Variants in KLHL12 observed in about 807,000 individuals in gnomAD.
KLHL12 encodes kelch like family member 12, also known as kelch-like protein 12.
KLHL12 carries 17 observed loss-of-function variants against 60.8 expected under a neutral mutation model. The ratio of observed to expected loss-of-function variants is 0.28; its 90% confidence interval spans 0.19 to 0.42. KLHL12 has a LOEUF of 0.42. Ranked by LOEUF, KLHL12 falls within the 10% of genes least tolerant of loss-of-function variation. KLHL12 has a pLI of 1.00. For missense variants in KLHL12, 468 were observed against 722.3 expected, an observed-to-expected ratio of 0.65 and a Z score of 4.04; for synonymous variants, 220 against 250.9, an observed-to-expected ratio of 0.88 and a Z score of 1.16.
At position 202,925,088 on chromosome 1, in the gene KLHL12, G is replaced by A; in HGVS notation, c.75C>T (p.Ser25=). ...CACAGAGGGTATTGCTCTTCCTGAGGGAGTTCATTGAATTGAGGATGGATT... is the reference window on the plus strand; with the variant it reads ...CACAGAGGGTATTGCTCTTCCTGAGAGAGTTCATTGAATTGAGGATGGATT... ...HAKSILNSMN[S]LRKSNTLCDV... is the part of the protein sequence containing the mutation. Residue 25 remains serine, a synonymous_variant, in exon 2 of 12, where the codon TCC becomes TCT. Coordinates refer to ENST00000367261, the MANE Select transcript of KLHL12 (RefSeq NM_021633.4). 1 of 1,614,074 alleles carries A rather than the reference G, an allele frequency of 6.2e-7. No individual in the cohort carries two copies. Among genetic ancestry groups the A allele is most frequent in the Non-Finnish European group, 8.5e-7 (1 of 1,180,032 alleles).
chr1:202,906,754 C>T (rs550745807), intron 6 of KLHL12, among the ~76,000 whole-genome samples: 204 of 152,150 alleles, frequency 1.3e-3, no homozygotes, highest in African/African-American at 4.3e-3. Flanking sequence ...CTCCGCCTCC[C>T]GGGTTCAAGC....
At chr1:202,897,228 C>CTTTTTTTTTTTT (rs11305071) in intron 6 of KLHL12, among the ~76,000 whole-genome samples, 8 of 82,264 alleles carry the variant, frequency 9.7e-5, no homozygotes, top group Admixed American at 1.6e-4. Context: ...ATTTCTTTTT[C>CTTTTTTTTTTTT]TTTTTTTTTT....
rs190705922 is a variant in KLHL12, at chr1:202,896,360, G to A, written c.939+494C>T. ...ACCACCATGCCTGGCTAATTTTTTT[G>A]TTTACTTTTTTGTAGAGACAGAGTC... On this transcript the variant is annotated intron_variant, in intron 7 of 11. Transcript: ENST00000367261. 5.3e-3 allele frequency among the ~76,000 whole-genome samples: 801 copies of A among 152,066 alleles called. 7 individuals are homozygous for A. The highest frequency in any genetic ancestry group is 0.02 in the Admixed American group (308 of 15,270).
chr1:202,924,535 G>A (rs546377255), intron 2 of KLHL12, among the ~76,000 whole-genome samples: 1 of 152,282 alleles, frequency 6.6e-6, no homozygotes, highest in East Asian at 1.9e-4. Flanking sequence ...CAAGGCAGGA[G>A]GATTGCTTGA....
At chr1:202,912,163 GAAGA>G in intron 4 of KLHL12, 2 of 887,476 alleles carry the variant, frequency 2.3e-6, no homozygotes, top group Non-Finnish European at 3.8e-6. Flanking sequence ...AGAAGACACT[GAAGA>G]ACATCACCTA....
rs1659780775 is a variant in KLHL12 at position 202,894,767 on chromosome 1, A to T, written c.1136-18T>A. ...GATCATATCTGCTCAGAATAAACAA[A>T]TTACAGACTATTAGAGAATGAGAGA... On this transcript the variant is annotated intron_variant, in intron 8 of 11. Transcript: ENST00000367261. 3 of 1,601,600 alleles carry T rather than the reference A, an allele frequency of 1.9e-6. No homozygotes were observed. The highest frequency in any genetic ancestry group is 1.7e-6 in the Non-Finnish European group (2 of 1,168,936).
At chr1:202,926,996 T>A in intron 1 of KLHL12, 93 bp downstream of exon 1, 2 of 920,068 alleles carry the variant, frequency 2.2e-6, no homozygotes, top group South Asian at 5.0e-5. Context: ...CATTCCGCCT[T>A]GCAGGGAGAC....
chr1:202,895,183 G>A lies in KLHL12; in HGVS notation c.1135+339C>T, dbSNP rs2102407012. Among the ~76,000 whole-genome samples the A allele has an allele frequency of 6.6e-6, 1 of 152,244 alleles. No homozygotes were observed. The highest frequency in any genetic ancestry group is 2.1e-4 in the South Asian group (1 of 4,820). On this transcript the variant is annotated intron_variant, in intron 8 of 11. Transcript: ENST00000367261. This position sits in a 1 kb window ranked among gnomAD's most constrained non-coding sequence, Gnocchi z 4.2. The stretch of plus-strand genomic sequence containing the variant: ...GAGGTGGGTCAATCACTTGAGCTCA[G>A]GAGTTAGAGATCAGCCTGGGCAACA...
chr1:202,901,519 C>G (rs1289254723), intron 6 of KLHL12, among the ~76,000 whole-genome samples: 2 of 149,828 alleles, frequency 1.3e-5, no homozygotes, highest in Non-Finnish European at 3.0e-5. Flanking sequence ...TCAGGCTGGT[C>G]TCTAACTCCT....
At chr1:202,917,721 T>C (rs1660565943) in intron 4 of KLHL12, among the ~76,000 whole-genome samples, 1 of 152,234 alleles carries the variant, frequency 6.6e-6, no homozygotes, top group Non-Finnish European at 1.5e-5. Context: ...TGATCCTCTT[T>C]ATAACATTTT....
intron 3 of KLHL12, among the ~76,000 whole-genome samples, chr1:202,918,964 C>T (rs944206711): frequency 2.6e-5 from 4 of 152,086 alleles, no homozygotes; most frequent in African/African-American, 9.7e-5. Context: ...AAAAGAAAAA[C>T]TGGGGACCAG....
At position 202,893,228 on chromosome 1, in the gene KLHL12, T is replaced by A; in HGVS notation, c.1580+11A>T. ...TACATATTGAGTCTGGATTCGTTTC[T>A]AAATCCTCACCCTGCAATTGCATAG... is the stretch of plus-strand genomic sequence containing the variant. On this transcript the variant is annotated intron_variant, in intron 11 of 11. Transcript: ENST00000367261. The surrounding 1 kb of genome is among the most constrained non-coding windows in gnomAD (Gnocchi z 4.1). 1.3e-6 allele frequency: 2 copies of A among 1,584,290 alleles called. No individual in the cohort carries two copies. The highest frequency in any genetic ancestry group is 1.7e-6 in the Non-Finnish European group (2 of 1,165,922).
chr1:202,926,981 T>C (rs952120347), intron 1 of KLHL12, 108 bp downstream of exon 1: 5 of 846,094 alleles, frequency 5.9e-6, no homozygotes, highest in Non-Finnish European at 7.1e-6. Context: ...GTTGGGCATG[T>C]CTCCCATTCC....
rs1365817628 is a variant in KLHL12 at position 202,891,133 on chromosome 1, AT to A, written c.*1399del. On this transcript the variant is annotated 3_prime_UTR_variant, in exon 12 of 12. Coordinates refer to ENST00000367261, the MANE Select transcript of KLHL12 (RefSeq NM_021633.4). The stretch of plus-strand genomic sequence containing the variant: ...AAACTCTCGGCATTTGAGACCGTTG[AT>A]TTTTAATATTTTCTTAAAAAAATAC... The A allele has an allele frequency of 1.3e-5, 2 of 152,034 alleles. No individual in the cohort carries two copies. Among genetic ancestry groups the A allele is most frequent in the Non-Finnish European group, 2.9e-5 (2 of 68,026 alleles). 9.4% of individuals were successfully genotyped at this position (152,034 alleles called of 1,614,324 possible).
rs1659791701 is a variant in KLHL12, at chr1:202,895,117, C to G, written c.1136-368G>C. Among the ~76,000 whole-genome samples the G allele has an allele frequency of 6.6e-6, 1 of 152,184 alleles. No homozygotes were observed. The highest frequency in any genetic ancestry group is 1.9e-4 in the East Asian group (1 of 5,190). ...CAAAAAGGAGTATTTGTCGGCTGGG[C>G]ACAGTGGCTCACACCTGTAATCCCA... On this transcript the variant is annotated intron_variant, in intron 8 of 11. Transcript: ENST00000367261. This position sits in a 1 kb window ranked among gnomAD's most constrained non-coding sequence, Gnocchi z 4.2.
chr1:202,919,938 T>C, intron 2 of KLHL12, 30 bp from the exon 3 acceptor site: 1 of 1,582,694 alleles, frequency 6.3e-7, no homozygotes, highest in Middle Eastern at 1.7e-4. Context: ...AAAAGAATGA[T>C]GGTTATAATT....
At chr1:202,910,972 T>C (rs940499507) in intron 5 of KLHL12, 82 bp downstream of exon 5, 2 of 1,501,042 alleles carry the variant, frequency 1.3e-6, no homozygotes, top group South Asian at 1.2e-5. Flanking sequence ...TGTGCCTACA[T>C]TAAAATACTC....
In KLHL12 at chr1:202,925,090, A is replaced by C. The variant is rs1193386617; in HGVS notation, c.73T>G (p.Ser25Ala). ...HAKSILNSMN[S>A]LRKSNTLCDV... Reference sequence around the variant, plus strand: ...CAGAGGGTATTGCTCTTCCTGAGGGAGTTCATTGAATTGAGGATGGATTTA... The same window carrying C: ...CAGAGGGTATTGCTCTTCCTGAGGGCGTTCATTGAATTGAGGATGGATTTA... Residue 25 changes from serine (S) to alanine (A), a missense_variant, in exon 2 of 12, where the codon TCC (serine) becomes GCC (alanine). Physicochemically the swap from Ser to Ala is moderately conservative, Grantham distance 99. Transcript: ENST00000367261. 2 of 1,614,112 alleles carry C rather than the reference A, an allele frequency of 1.2e-6. No individual in the cohort carries two copies. The highest frequency in any genetic ancestry group is 1.7e-6 in the Non-Finnish European group (2 of 1,180,036).
intron 4 of KLHL12, chr1:202,912,528 T>C: frequency 9.9e-7 from 1 of 1,006,676 alleles, no homozygotes; most frequent in Non-Finnish European, 1.6e-6. Context: ...GGAAGCAATT[T>C]TGGAGGTGGT....
Sources: gnomAD v4.1 joint callset for allele counts (sites outside exome capture counted in the v4.1 genomes callset) on GRCh38, gnomAD v4.1.1 for gene constraint, Gnocchi (gnomAD v3.1) non-coding constraint, MANE v1.5 for transcripts, NCBI Gene and HGNC (gene_info 2026-07-23, HGNC 2026-07-21) for gene names.